The following TFIP11 variants were observed in gnomAD, a reference collection of about 807,000 sequenced individuals.
TFIP11 encodes tuftelin-interacting protein 11.
In TFIP11, 86 loss-of-function variants were observed where a neutral mutation model predicts 96.8. The ratio of observed to expected loss-of-function variants is 0.89; its 90% CI spans 0.75 to 1.06. The LOEUF (loss-of-function observed/expected upper bound fraction) is 1.06, where lower values mean the gene tolerates loss of function less well. TFIP11 is among the 50% of genes least tolerant of loss of function. The pLI, the probability that TFIP11 is intolerant of heterozygous loss-of-function variation, is 0.00. For synonymous variants in TFIP11, 405 were observed against 395.2 expected, an observed-to-expected ratio of 1.02 and a Z score of -0.29; for missense variants, 881 against 1,076.7, an observed-to-expected ratio of 0.82 and a Z score of 2.54.
At chr22:26,504,379 C>T (rs1174998347) in intron 6 of TFIP11, among the ~76,000 whole-genome samples, 1 of 152,146 alleles carries the variant, frequency 6.6e-6, no homozygotes, top group Non-Finnish European at 1.5e-5. Flanking sequence ...TCCATCCCTG[C>T]CCCCCTTCCA....
At chr22:26,501,804 A>AGGCC in intron 8 of TFIP11, 96 bp downstream of exon 8, 1 of 833,446 alleles carries the variant, frequency 1.2e-6, no homozygotes, top group Non-Finnish European at 1.7e-6. Context: ...AAAAAAAAAA[A>AGGCC]AAAGCCTAGC....
Position 26,496,834 on chromosome 22 carries a change from G to C in TFIP11, c.1492C>G (p.Pro498Ala), listed in dbSNP as rs1602202867. ...FVRNIVTQWQ[P>A]RNCDPMVDFL... is the part of the protein sequence containing the mutation. Reference sequence around the variant, plus strand: ...TCCACCATCGGGTCACAGTTCCTTGGCTGCCACTGGGTGACAATATTTCGA... The same window carrying C: ...TCCACCATCGGGTCACAGTTCCTTGCCTGCCACTGGGTGACAATATTTCGA... The change falls in exon 11 of 15, where the codon CCA becomes GCA. Residue 498 changes from proline to alanine, a missense_variant. Coordinates refer to ENST00000407690, the MANE Select transcript of TFIP11 (RefSeq NM_012143.4). The C allele has an allele frequency of 1.9e-6, 3 of 1,614,172 alleles. No homozygotes were observed. Among genetic ancestry groups the C allele is most frequent in the Middle Eastern group, 1.7e-4 (1 of 6,056 alleles).
At chr22:26,504,920 A>T (rs375892845) in intron 6 of TFIP11, among the ~76,000 whole-genome samples, 3 of 152,156 alleles carry the variant, frequency 2.0e-5, no homozygotes. Flanking sequence ...TACCAAAAAT[A>T]CAAAAATTAG....
At chr22:26,500,373 G>C (rs999024031) in intron 8 of TFIP11, among the ~76,000 whole-genome samples, 1 of 152,052 alleles carries the variant, frequency 6.6e-6, no homozygotes, top group Non-Finnish European at 1.5e-5. Context: ...GTTTCACTGT[G>C]TTAGCCAGGA....
Position 26,494,909 on chromosome 22 carries a change from G to A in TFIP11, c.1880C>T (p.Pro627Leu). The A allele has an allele frequency of 1.9e-6, 3 of 1,614,174 alleles. No individual in the cohort carries two copies. Among genetic ancestry groups the A allele is most frequent in the African/African-American group, 2.7e-5 (2 of 75,038 alleles). ...GAATGCATCCATGTGCTGCTGGTGG[G>A]GGTTAATGACTAGCTCACCAAGACA... ...GMCLGELVIN[P>L]HQQHMDAFYW... is the part of the protein sequence containing the mutation. The change falls in exon 13 of 15, where the codon CCC becomes CTC. Residue 627 changes from proline to leucine, a missense_variant. By Grantham distance (98) the Pro-to-Leu change is moderately conservative. Coordinates refer to ENST00000407690, the MANE Select transcript of TFIP11 (RefSeq NM_012143.4).
At chr22:26,501,840 A>C (rs112938142) in intron 8 of TFIP11, 60 bp downstream of exon 8, 30 of 1,391,182 alleles carry the variant, frequency 2.2e-5, no homozygotes, top group Non-Finnish European at 2.9e-5. Flanking sequence ...ACCCTCGAAC[A>C]TGTTCAGTGA....
In TFIP11 at chr22:26,494,167, G is replaced by A. The variant is rs1027014804; in HGVS notation, c.2130C>T (p.Ile710=). The change falls in exon 14 of 15, where the codon ATC becomes ATT. Residue 710 remains isoleucine (I), a synonymous_variant. Coordinates refer to ENST00000407690, the MANE Select transcript of TFIP11 (RefSeq NM_012143.4). ...VKDKFNEALD[I]MNRAVSSNVG... is the part of the protein sequence containing the mutation. Reference sequence around the variant, plus strand: ...CGTTGGAGGACACCGCCCGGTTCATGATATCAAGTGCCTCATTAAATTTGT... The same window carrying A: ...CGTTGGAGGACACCGCCCGGTTCATAATATCAAGTGCCTCATTAAATTTGT... 6.2e-7 allele frequency: 1 copy of A among 1,614,192 alleles called. No individual in the cohort carries two copies. Among genetic ancestry groups the A allele is most frequent in the Non-Finnish European group, 8.5e-7 (1 of 1,180,034 alleles).
rs201335417 is a variant in TFIP11 at position 26,503,725 on chromosome 22, G to A, written c.589C>T (p.Arg197Cys). 1.8e-4 allele frequency: 297 copies of A among 1,613,882 alleles called. 1 individual carries two copies. Among genetic ancestry groups the A allele is most frequent in the Middle Eastern group, 1.6e-4 (1 of 6,062 alleles). Residue 197 changes from arginine (R) to cysteine (C), a missense_variant, in exon 7 of 15, where the codon CGC becomes TGC. By Grantham distance (180) the Arg-to-Cys change is radical. Transcript: ENST00000407690. ...KGAVGAYGSE[R>C]TTQSMQDFPV... ...AAGTCTTGCATGGACTGAGTGGTGC[G>A]CTCGGATCCATAAGCCCCCACAGCA...
intron 14 of TFIP11, 75 bp from the exon 15 acceptor site, chr22:26,492,443 A>C: frequency 7.1e-7 from 1 of 1,411,898 alleles, no homozygotes; most frequent in South Asian, 1.3e-5. Context: ...GGCTTGGCCC[A>C]GGTCTTGGGT....
Position 26,494,957 on chromosome 22 carries a change from T to C in TFIP11, c.1850-18A>G. The C allele has an allele frequency of 6.2e-7, 1 of 1,614,078 alleles. No homozygotes were observed. Among genetic ancestry groups the C allele is most frequent in the Non-Finnish European group, 8.5e-7 (1 of 1,179,982 alleles). On this transcript the variant is annotated intron_variant, in intron 12 of 14. Transcript: ENST00000407690. ...ACACATCCCTGGAAGAGAAACCCGG[T>C]CTGTAAGGCACAGCTTTAGTACTGG...
intron 6 of TFIP11, 111 bp from the exon 7 acceptor site, chr22:26,503,904 T>G (rs551585266): frequency 2.2e-6 from 3 of 1,394,724 alleles, no homozygotes; most frequent in Non-Finnish European, 2.0e-6. Flanking sequence ...CAAAATAACA[T>G]GCTACTCAGG....
In TFIP11 at chr22:26,496,072, C is replaced by G; in HGVS notation, c.1849+1G>C. 1.9e-6 allele frequency: 3 copies of G among 1,613,346 alleles called. No individual in the cohort carries two copies. The highest frequency in any genetic ancestry group is 2.5e-6 in the Non-Finnish European group (3 of 1,179,828). ...TGGAATGCATTTCCCCTTATCCTTA[C>G]CCAGCTTGGGCACTATGTTTTTGAC... is the stretch of plus-strand genomic sequence containing the variant. On this transcript the variant is annotated splice_donor_variant, in intron 12 of 14. Coordinates refer to ENST00000407690, the MANE Select transcript of TFIP11 (RefSeq NM_012143.4). LOFTEE classifies it high-confidence loss of function.
intron 2 of TFIP11, 115 bp from the exon 3 acceptor site, chr22:26,510,817 G>A (rs1471605331): frequency 1.3e-5 from 2 of 155,006 alleles, no homozygotes; most frequent in African/African-American, 2.4e-5. Context: ...AAAGACTGTA[G>A]TAATTATGAA....
chr22:26,500,746 C>G (rs1405938865), intron 8 of TFIP11, among the ~76,000 whole-genome samples: 1 of 152,054 alleles, frequency 6.6e-6, no homozygotes, highest in Admixed American at 6.5e-5. Context: ...TCAGGTCGTC[C>G]AGATAACAGC....
chr22:26,507,787 A>G (rs1923597000), intron 4 of TFIP11, among the ~76,000 whole-genome samples: 1 of 152,174 alleles, frequency 6.6e-6, no homozygotes, highest in South Asian at 2.1e-4. Context: ...AATAAAATTG[A>G]TATATTTGTA....
chr22:26,502,688 T>A (rs1204532240), intron 7 of TFIP11, among the ~76,000 whole-genome samples: 1 of 152,232 alleles, frequency 6.6e-6, no homozygotes, highest in Non-Finnish European at 1.5e-5. Context: ...TTAAGACTTG[T>A]CATTTTTTCT....
At chr22:26,499,759 G>C (rs900321114) in intron 8 of TFIP11, 128 bp from the exon 9 acceptor site, 2 of 994,770 alleles carry the variant, frequency 2.0e-6, no homozygotes, top group African/African-American at 3.2e-5. Context: ...AGCTGGAGAA[G>C]GGCAGTGTTG....
intron 12 of TFIP11, 26 bp downstream of exon 12, chr22:26,496,047 T>C (rs1345455869): frequency 6.2e-7 from 1 of 1,606,602 alleles, no homozygotes; most frequent in East Asian, 2.2e-5. Context: ...CTGCTGGGCT[T>C]GGAATGCATT....
rs765732710 is a variant in TFIP11, at chr22:26,503,680, CCT to C, written c.632_633del (p.Glu211GlyfsTer4). The C allele has an allele frequency of 1.2e-6, 2 of 1,614,134 alleles. No individual in the cohort carries two copies. Among genetic ancestry groups the C allele is most frequent in the South Asian group, 2.2e-5 (2 of 91,080 alleles). The stretch of plus-strand genomic sequence containing the variant: ...CTTCCAGTTACCTCTTCAGCTTCTT[CCT>C]CTGAGTCAACCACAGGGAAGTCTTG... Reference protein sequence around the residue: ...SMQDFPVVDSEEEAEEEFQKE... With the variant: ...SMQDFPVVDSXEEAEEEFQKE... On this transcript the variant is annotated frameshift_variant, in exon 7 of 15. Coordinates refer to ENST00000407690, the MANE Select transcript of TFIP11 (RefSeq NM_012143.4). LOFTEE classifies it high-confidence loss of function.
Sources: gnomAD v4.1 joint callset for allele counts (sites outside exome capture counted in the v4.1 genomes callset) on GRCh38, gnomAD v4.1.1 for gene constraint, MANE v1.5 for transcripts, NCBI Gene and HGNC (gene_info 2026-07-23, HGNC 2026-07-21) for gene names.